Variants in TRAPPC9 observed in about 807,000 individuals in gnomAD.
TRAPPC9 encodes the protein trafficking protein particle complex subunit 9.
A neutral mutation model predicts 124.0 loss-of-function variants in TRAPPC9; 83 were observed. That is an observed-to-expected ratio of 0.67 (90% CI 0.56 to 0.80). The LOEUF (loss-of-function observed/expected upper bound fraction) is 0.80, where lower values mean the gene tolerates loss of function less well. Among genes scored for constraint, TRAPPC9 ranks in the 30% least tolerant of loss-of-function variants. The probability of loss-of-function intolerance (pLI) is 0.00; values close to 1 mark genes in which losing one functional copy is unlikely to be tolerated. For missense variants in TRAPPC9, 1,302 were observed against 1,508.3 expected, an observed-to-expected ratio of 0.86 and a Z score of 2.27; for synonymous variants, 638 against 617.5, an observed-to-expected ratio of 1.03 and a Z score of -0.49.
At chr8:140,244,800 C>CTTTTTTTTTTTTTTTTTTTTTTT (rs1162364645) in intron 16 of TRAPPC9, among the ~76,000 whole-genome samples, 1 of 90,180 alleles carries the variant, frequency 1.1e-5, no homozygotes, top group Non-Finnish European at 1.9e-5. Context: ...TTTCCAATTC[C>CTTTTTTTTTTTTTTTTTTTTTTT]TTTTTTTTTT....
intron 9 of TRAPPC9, among the ~76,000 whole-genome samples, chr8:140,349,476 G>A (rs1196411740): frequency 6.6e-6 from 1 of 151,998 alleles, no homozygotes; most frequent in African/African-American, 2.4e-5. Context: ...CGAAGGGGGC[G>A]CGCGAGGGAA....
chr8:139,901,233 C>G (rs1831002068), intron 20 of TRAPPC9, among the ~76,000 whole-genome samples: 1 of 152,156 alleles, frequency 6.6e-6, no homozygotes, highest in Non-Finnish European at 1.5e-5. Flanking sequence ...ATCCCACGCG[C>G]AAGCTCTGGA....
intron 1 of TRAPPC9, among the ~76,000 whole-genome samples, chr8:140,454,257 C>G (rs1422494099): frequency 6.6e-6 from 1 of 151,688 alleles, no homozygotes; most frequent in Non-Finnish European, 1.5e-5. Context: ...ACACTGCACT[C>G]CAGCCTGGGT....
intron 14 of TRAPPC9, among the ~76,000 whole-genome samples, chr8:140,281,992 G>A (rs535215138): frequency 7.9e-5 from 12 of 152,226 alleles, no homozygotes; most frequent in African/African-American, 2.4e-4. Context: ...ATTATTCGGC[G>A]ACTTGTCAAT....
chr8:140,283,827 A>G (rs1324737888), intron 14 of TRAPPC9, 62 bp downstream of exon 14: 3 of 1,605,910 alleles, frequency 1.9e-6, no homozygotes, highest in Admixed American at 3.4e-5. Context: ...AAAAAAAAAA[A>G]AATGTAGGAC....
At chr8:139,972,860 G>C (rs1299504891) in intron 19 of TRAPPC9, among the ~76,000 whole-genome samples, 1 of 152,206 alleles carries the variant, frequency 6.6e-6, no homozygotes, top group East Asian at 1.9e-4. Context: ...CGGGGAAGAA[G>C]GTCGGAGTTC....
chr8:139,866,531 A>G (rs1828552538), intron 21 of TRAPPC9, among the ~76,000 whole-genome samples: 1 of 152,164 alleles, frequency 6.6e-6, no homozygotes. Flanking sequence ...TTGAGAGCCT[A>G]GGAGTGTGGG....
chr8:139,782,519 T>C (rs1423590361), intron 21 of TRAPPC9, among the ~76,000 whole-genome samples: 1 of 152,202 alleles, frequency 6.6e-6, no homozygotes, highest in Non-Finnish European at 1.5e-5. Context: ...AAAAAATACA[T>C]AAGAATCCTA....
chr8:140,413,994 A>T (rs552701523), intron 5 of TRAPPC9, among the ~76,000 whole-genome samples: 1 of 152,210 alleles, frequency 6.6e-6, no homozygotes, highest in South Asian at 2.1e-4. Context: ...TCTTTATAGC[A>T]GCATGATTTA....
chr8:140,356,596 T>C (rs1458013087), intron 9 of TRAPPC9, among the ~76,000 whole-genome samples: 5 of 151,574 alleles, frequency 3.3e-5, no homozygotes, highest in African/African-American at 4.8e-5. Flanking sequence ...CAAACACACA[T>C]GTGTTCCTTG....
intron 17 of TRAPPC9, among the ~76,000 whole-genome samples, chr8:140,166,528 T>C (rs1356420271): frequency 6.6e-6 from 1 of 152,034 alleles, no homozygotes; most frequent in Non-Finnish European, 1.5e-5. Context: ...CGACAGAATA[T>C]GGTTAAAGAA....
chr8:139,804,439 T>TCACACCACTCACCAC (rs1563827120), intron 21 of TRAPPC9, among the ~76,000 whole-genome samples: 7 of 14,926 alleles, frequency 4.7e-4, no homozygotes, highest in Admixed American at 2.0e-3. Context: ...CCAAGCACCA[T>TCACACCACTCACCAC]CACCACCACT....
At chr8:140,019,813 A>G (rs902298816) in intron 18 of TRAPPC9, among the ~76,000 whole-genome samples, 1 of 151,412 alleles carries the variant, frequency 6.6e-6, no homozygotes, top group Non-Finnish European at 1.5e-5. Flanking sequence ...TGGCCTCCCA[A>G]AGGGCTGGGA....
intron 17 of TRAPPC9, among the ~76,000 whole-genome samples, chr8:140,196,861 G>A (rs34051638): frequency 5.3e-5 from 8 of 151,300 alleles, no homozygotes; most frequent in Admixed American, 1.3e-4. Flanking sequence ...AACAATTCAC[G>A]TACAGACCAC....
intron 20 of TRAPPC9, among the ~76,000 whole-genome samples, chr8:139,906,137 G>T (rs1344873141): frequency 6.6e-6 from 1 of 152,050 alleles, no homozygotes; most frequent in Admixed American, 6.6e-5. Flanking sequence ...AGAAAAAAGG[G>T]GTACCTAACC....
intron 18 of TRAPPC9, among the ~76,000 whole-genome samples, chr8:139,989,853 C>T (rs1312402274): frequency 2.6e-5 from 4 of 152,294 alleles, no homozygotes; most frequent in African/African-American, 7.2e-5. Context: ...GAATGCTTGC[C>T]GAAAACTCAT....
intron 22 of TRAPPC9, 130 bp downstream of exon 22, chr8:139,731,849 C>A: frequency 1.2e-6 from 1 of 856,642 alleles, no homozygotes; most frequent in South Asian, 1.5e-5. Context: ...AGTGTGCACA[C>A]GTGACCACAG....
At chr8:139,972,746 G>A (rs552057075) in intron 19 of TRAPPC9, among the ~76,000 whole-genome samples, 1 of 152,244 alleles carries the variant, frequency 6.6e-6, no homozygotes, top group Non-Finnish European at 1.5e-5. Context: ...GGGTCACAGA[G>A]AGAATGAAAA....
At chr8:139,917,162 ATTTTCTTTTT>A (rs1319771301) in intron 19 of TRAPPC9, among the ~76,000 whole-genome samples, 4 of 70,956 alleles carry the variant, frequency 5.6e-5, no homozygotes, top group African/African-American at 2.8e-4. Context: ...CTTCATTATT[ATTTTCTTTTT>A]TTTTTTTTTT....
Sources: allele counts gnomAD v4.1 joint callset (sites outside exome capture counted in the v4.1 genomes callset), GRCh38; gene constraint gnomAD v4.1.1; transcripts MANE v1.5; gene names NCBI Gene and HGNC (gene_info 2026-07-23, HGNC 2026-07-21).